Variants in COL28A1 observed in about 807,000 individuals in gnomAD.
COL28A1 encodes collagen alpha-1(XXVIII) chain.
A neutral mutation model predicts 150.2 loss-of-function variants in COL28A1; 161 were observed. That is an observed-to-expected ratio of 1.07 (90% confidence interval 0.94 to 1.22). COL28A1 has a LOEUF of 1.22. Ranked by LOEUF, COL28A1 falls within the 50% of genes most tolerant of loss-of-function variation. COL28A1 has a pLI of 0.00. For synonymous variants in COL28A1, 552 were observed against 469.7 expected (o/e 1.18, Z -2.26); for missense variants, 1,617 against 1,388.3 (o/e 1.16, Z -2.62).
At chr7:7,430,768 G>T (rs1277226116) in intron 25 of COL28A1, among the ~76,000 whole-genome samples, 1 of 151,736 alleles carries the variant, frequency 6.6e-6, no homozygotes, top group Non-Finnish European at 1.5e-5. Flanking sequence ...TTAATTTTAG[G>T]ATTTTGACAG....
At chr7:7,437,954 G>C (rs1167122119) in intron 21 of COL28A1, among the ~76,000 whole-genome samples, 2 of 151,426 alleles carry the variant, frequency 1.3e-5, no homozygotes, top group African/African-American at 4.9e-5. Context: ...ACCCCTATGG[G>C]CTGGGTGTGG....
intron 30 of COL28A1, among the ~76,000 whole-genome samples, chr7:7,377,894 G>T (rs1207985066): frequency 6.6e-6 from 1 of 151,174 alleles, no homozygotes; most frequent in Non-Finnish European, 1.5e-5. Context: ...TCCAGAAGAA[G>T]AATGAGGGGC....
chr7:7,388,076 A>G (rs936855995), intron 27 of COL28A1, among the ~76,000 whole-genome samples: 1 of 151,876 alleles, frequency 6.6e-6, no homozygotes, highest in African/African-American at 2.4e-5. Context: ...GGTTTGTTAC[A>G]TAGGTATGCA....
At chr7:7,445,548 A>G (rs1277995586) in intron 18 of COL28A1, among the ~76,000 whole-genome samples, 1 of 152,188 alleles carries the variant, frequency 6.6e-6, no homozygotes, top group African/African-American at 2.4e-5. Flanking sequence ...GAAATAACAA[A>G]TTTGTGCCCT....
rs1439381091 is a variant in COL28A1, at chr7:7,524,154, A to C, written c.702+75T>G. 3 of 848,016 alleles carry C rather than the reference A, an allele frequency of 3.5e-6. No homozygotes were observed. In the African/African-American group the frequency reaches 5.0e-5, roughly 14 times the overall value. The allele number at this position is 848,016 out of a possible 1,614,324, so 52.5% of individuals were successfully genotyped here. Reference sequence around the variant, plus strand: ...TTATTTAGTCACACTTAATCTTCTAATGTGAATTATAATGCTGATTTGATA... The same window carrying C: ...TTATTTAGTCACACTTAATCTTCTACTGTGAATTATAATGCTGATTTGATA... On this transcript the variant is annotated intron_variant, in intron 4 of 34. Transcript: ENST00000399429.
In COL28A1 at chr7:7,477,122, G is replaced by T; in HGVS notation, c.1223C>A (p.Pro408Gln). The change falls in exon 14 of 35, where the codon CCA becomes CAA. Residue 408 changes from proline to glutamine, a missense_variant. Transcript: ENST00000399429. ...AGAAGGTATTGTTACCTTTGGTCCTGGAAATCCTTCTCCGGGTAAGCCCCT... is the reference window on the plus strand; with the variant it reads ...AGAAGGTATTGTTACCTTTGGTCCTTGAAATCCTTCTCCGGGTAAGCCCCT... ...GERGLPGEGF[P>Q]GPKGEKGSEG... The T allele has an allele frequency of 7.9e-7, 1 of 1,258,770 alleles. No individual in the cohort carries two copies. Among genetic ancestry groups the T allele is most frequent in the Non-Finnish European group, 1.2e-6 (1 of 854,940 alleles). The allele number at this position is 1,258,770 out of a possible 1,614,324, so 78.0% of individuals were successfully genotyped here.
At chr7:7,525,030 A>G (rs1009264032) in intron 3 of COL28A1, among the ~76,000 whole-genome samples, 16 of 152,254 alleles carry the variant, frequency 1.1e-4, no homozygotes, top group Non-Finnish European at 2.1e-4. Context: ...ACTTACATTT[A>G]TAACTGGCTA....
Position 7,360,451 on chromosome 7 carries a change from G to A in COL28A1, c.3144C>T (p.Thr1048=). ...TGGGGGTGGTGGTGGCCTCAGATGA[G>A]GTAGTGGCAGGCAGATCATCAGCCC... The part of the protein sequence containing the change: ...PTWADDLPAT[T]SSEATTTPRP... Residue 1048 remains threonine, a synonymous_variant, in exon 34 of 35, where the codon ACC becomes ACT. Coordinates refer to ENST00000399429, the MANE Select transcript of COL28A1 (RefSeq NM_001037763.3). The A allele has an allele frequency of 1.2e-6, 2 of 1,609,192 alleles. No homozygotes were observed. Among genetic ancestry groups the A allele is most frequent in the Non-Finnish European group, 1.7e-6 (2 of 1,178,552 alleles).
intron 15 of COL28A1, among the ~76,000 whole-genome samples, chr7:7,471,322 C>T (rs555519503): frequency 6.6e-6 from 1 of 152,182 alleles, no homozygotes; most frequent in African/African-American, 2.4e-5. Flanking sequence ...CCTATTGACA[C>T]TATTCCACAA....
chr7:7,488,199 C>T (rs1471324412), intron 13 of COL28A1, among the ~76,000 whole-genome samples: 3 of 152,322 alleles, frequency 2.0e-5, no homozygotes, highest in African/African-American at 7.2e-5. Flanking sequence ...AGTGGTTTAT[C>T]TTTAATGGTA....
chr7:7,442,182 C>G (rs1003660083), intron 20 of COL28A1, among the ~76,000 whole-genome samples: 8 of 152,182 alleles, frequency 5.3e-5, no homozygotes, highest in African/African-American at 1.7e-4. Flanking sequence ...CTTTCCAATG[C>G]ACATTCTTCT....
chr7:7,428,934 G>C (rs1186102030), intron 25 of COL28A1, among the ~76,000 whole-genome samples: 5 of 152,190 alleles, frequency 3.3e-5, no homozygotes, highest in Admixed American at 3.3e-4. Context: ...ACTTGGAAAA[G>C]AGCCACGGAG....
chr7:7,430,962 T>A (rs752851937), intron 25 of COL28A1, among the ~76,000 whole-genome samples: 14 of 152,188 alleles, frequency 9.2e-5, no homozygotes, highest in South Asian at 2.1e-4. Context: ...TACATCCTCA[T>A]TGGACTCTCA....
rs149035878 is a variant in COL28A1, at chr7:7,517,372, G to A, written c.855+424C>T. ...CAATATCCACTATCTTCTAATTTGGGGTATAAGAAATCAAATAGAATGGTA... is the reference window on the plus strand; with the variant it reads ...CAATATCCACTATCTTCTAATTTGGAGTATAAGAAATCAAATAGAATGGTA... On this transcript the variant is annotated intron_variant, in intron 7 of 34. Transcript: ENST00000399429. 2.4e-4 allele frequency among the ~76,000 whole-genome samples: 36 copies of A among 152,006 alleles called. 1 individual carries two copies. The highest frequency in any genetic ancestry group is 7.7e-4 in the African/African-American group (32 of 41,454).
At chr7:7,348,242 G>A in the COL28A1 span, among the ~76,000 whole-genome samples, 5 of 152,010 alleles carry the variant, frequency 3.3e-5, no homozygotes, top group Non-Finnish European at 5.9e-5. Flanking sequence ...AGTATCATTG[G>A]AGCGATTCTA....
intron 27 of COL28A1, among the ~76,000 whole-genome samples, chr7:7,387,711 G>A (rs1782271587): frequency 1.3e-5 from 2 of 152,044 alleles, no homozygotes; most frequent in African/African-American, 4.8e-5. Flanking sequence ...TTGCAAGTCT[G>A]AAATTATTTC....
intron 4 of COL28A1, 129 bp downstream of exon 4, chr7:7,524,099 AG>A: frequency 1.4e-6 from 1 of 689,780 alleles, no homozygotes; most frequent in Non-Finnish European, 2.6e-6. Flanking sequence ...CTCAGAATAG[AG>A]TGGCTCATTT....
chr7:7,486,647 T>A (rs1779640561), intron 13 of COL28A1, among the ~76,000 whole-genome samples: 1 of 152,198 alleles, frequency 6.6e-6, no homozygotes, highest in Non-Finnish European at 1.5e-5. Flanking sequence ...TATCAGCGTT[T>A]ATTAGGGTTT....
chr7:7,372,891 G>C (rs751342715), intron 32 of COL28A1, 107 bp downstream of exon 32: 19 of 833,244 alleles, frequency 2.3e-5, no homozygotes, highest in Non-Finnish European at 2.3e-5. Context: ...GTTGGCATAA[G>C]CCTTATTAGC....
Sources: gnomAD v4.1 joint callset for allele counts (sites outside exome capture counted in the v4.1 genomes callset) on GRCh38, gnomAD v4.1.1 for gene constraint, MANE v1.5 for transcripts, NCBI Gene and HGNC (gene_info 2026-07-23, HGNC 2026-07-21) for gene names.